The following TENM2 variants were observed in gnomAD, a reference collection of about 807,000 sequenced individuals.
TENM2 encodes teneurin-2.
Under a neutral mutation model 245.2 loss-of-function variants are expected in TENM2, and 52 were observed. The ratio of observed to expected loss-of-function variants is 0.21; its 90% CI spans 0.17 to 0.27. The LOEUF (loss-of-function observed/expected upper bound fraction) is 0.27. TENM2 is among the 10% of genes least tolerant of loss of function. The probability of loss-of-function intolerance (pLI) is 1.00; values close to 1 mark genes in which losing one functional copy is unlikely to be tolerated. For missense variants in TENM2, 3,046 were observed against 3,666.8 expected, an observed-to-expected ratio of 0.83 and a Z score of 4.37; for synonymous variants, 1,363 against 1,438.9, an observed-to-expected ratio of 0.95 and a Z score of 1.19.
rs546196589 is a variant in TENM2, at chr5:167,542,995, T to A, written c.502+167522T>A. ...AGCCTGGTTGGTTCTCAACGTGTAA[T>A]CACTTGACCAGCACAATCAGTATCA... On this transcript the variant is annotated intron_variant, in intron 2 of 28. Coordinates refer to ENST00000518659, the Ensembl canonical transcript of TENM2. Among the ~76,000 whole-genome samples the A allele has an allele frequency of 5.9e-5, 9 of 152,308 alleles. 1 individual carries two copies. The highest frequency in any genetic ancestry group is 1.9e-4 in the African/African-American group (8 of 41,582).
At chr5:167,488,248 A>G (rs1768207720) in intron 2 of TENM2, among the ~76,000 whole-genome samples, 1 of 152,204 alleles carries the variant, frequency 6.6e-6, no homozygotes, top group African/African-American at 2.4e-5. Context: ...TCTCTGCTAA[A>G]AATGACCCTA....
intron 2 of TENM2, among the ~76,000 whole-genome samples, chr5:167,841,314 C>T (rs1170784611): frequency 6.6e-6 from 1 of 152,192 alleles, no homozygotes; most frequent in Non-Finnish European, 1.5e-5. Flanking sequence ...GCCTTGGCTT[C>T]CCAAAGTATT....
intron 4 of TENM2, among the ~76,000 whole-genome samples, chr5:167,966,477 C>A (rs1439048599): frequency 6.6e-6 from 1 of 152,106 alleles, no homozygotes; most frequent in Non-Finnish European, 1.5e-5. Flanking sequence ...TCTAAGGAAT[C>A]TAATTTTGGT....
At chr5:168,100,356 C>T (rs1408869942) in intron 9 of TENM2, among the ~76,000 whole-genome samples, 1 of 152,114 alleles carries the variant, frequency 6.6e-6, no homozygotes, top group African/African-American at 2.4e-5. Flanking sequence ...CCAGAAATAC[C>T]ATTTGCCCCA....
chr5:167,998,694 A>G (rs1784227327), intron 5 of TENM2, among the ~76,000 whole-genome samples: 1 of 152,238 alleles, frequency 6.6e-6, no homozygotes, highest in Non-Finnish European at 1.5e-5. Flanking sequence ...ATATATATAT[A>G]TTAGAAAGTC....
intron 2 of TENM2, among the ~76,000 whole-genome samples, chr5:167,719,418 A>G (rs1030505998): frequency 6.6e-6 from 1 of 152,162 alleles, no homozygotes; most frequent in African/African-American, 2.4e-5. Context: ...AAAAATTCCT[A>G]AGGGTTTGAG....
At chr5:167,835,943 G>C (rs1768948472) in intron 2 of TENM2, among the ~76,000 whole-genome samples, 1 of 152,102 alleles carries the variant, frequency 6.6e-6, no homozygotes, top group Middle Eastern at 3.2e-3. Context: ...TGCAAGTAGA[G>C]GACTGGAAAG....
rs72645747 is a variant in TENM2, at chr5:167,328,767, C to T, written c.226+43704C>T. On this transcript the variant is annotated intron_variant, in intron 1 of 28. Transcript: ENST00000518659. ...AATAGCACCTAAACAGTGAGGTCTT[C>T]CCTAGTCACTTATTTCCTTATGTCC... is the stretch of plus-strand genomic sequence containing the variant. Among the ~76,000 whole-genome samples, 2,973 of 152,216 alleles carry T rather than the reference C, an allele frequency of 0.02. 200 individuals carry two copies. The East Asian group carries it at 0.23, about 12-fold the overall frequency.
chr5:167,156,178 G>T, the TENM2 span, among the ~76,000 whole-genome samples: 1 of 152,194 alleles, frequency 6.6e-6, no homozygotes, highest in South Asian at 2.1e-4. Context: ...ACATACCTGA[G>T]AATTCTCAAG....
At position 167,510,813 on chromosome 5, in the gene TENM2, T is replaced by C. The variant is rs530574030; in HGVS notation, c.502+135340T>C. 1.4e-4 allele frequency among the ~76,000 whole-genome samples: 22 copies of C among 152,334 alleles called. No individual in the cohort carries two copies. The East Asian group carries it at 3.9e-3, about 27-fold the overall frequency. ...ACTTAAATTGCAATTGCAATACTTC[T>C]GATGTTTTGTTGTGTATGATGTGCA... On this transcript the variant is annotated intron_variant, in intron 2 of 28. Transcript: ENST00000518659.
the TENM2 span, among the ~76,000 whole-genome samples, chr5:167,064,141 TAA>T: frequency 1.3e-5 from 2 of 152,130 alleles, no homozygotes; most frequent in Admixed American, 1.3e-4. Context: ...CCTACAATTT[TAA>T]AGTGTCACAG....
chr5:167,057,020 T>C, the TENM2 span, among the ~76,000 whole-genome samples: 24 of 152,206 alleles, frequency 1.6e-4, no homozygotes, highest in Admixed American at 3.3e-4. Flanking sequence ...TGTTCTTTTT[T>C]TCCATGTGCT....
chr5:168,217,050 T>C lies in TENM2; in HGVS notation c.4233+128T>C, dbSNP rs2152563033. The C allele has an allele frequency of 2.8e-6, 3 of 1,062,954 alleles. 1 individual carries two copies. The highest frequency in any genetic ancestry group is 5.9e-4 in the Middle Eastern group (2 of 3,398). The allele number at this position is 1,062,954 out of a possible 1,614,324, so 65.8% of individuals were successfully genotyped here. Reference sequence around the variant, plus strand: ...ATACAGATACAGATCACGGGGTTGTTTGGAGAAAGCCTGAGATGAGCTAAA... The same window carrying C: ...ATACAGATACAGATCACGGGGTTGTCTGGAGAAAGCCTGAGATGAGCTAAA... On this transcript the variant is annotated intron_variant, in intron 22 of 28. Coordinates refer to ENST00000518659, the Ensembl canonical transcript of TENM2.
chr5:167,769,948 T>C (rs1763294688), intron 2 of TENM2, among the ~76,000 whole-genome samples: 1 of 152,194 alleles, frequency 6.6e-6, no homozygotes, highest in South Asian at 2.1e-4. Flanking sequence ...TGTTGTTCAC[T>C]AAATTCACAA....
intron 2 of TENM2, among the ~76,000 whole-genome samples, chr5:167,575,041 A>C (rs998691608): frequency 1.1e-4 from 16 of 151,152 alleles, no homozygotes; most frequent in African/African-American, 3.9e-4. Flanking sequence ...TTTTAACCTC[A>C]GTCTTTGTTG....
At chr5:167,801,559 A>G (rs905827792) in intron 2 of TENM2, among the ~76,000 whole-genome samples, 2 of 152,158 alleles carry the variant, frequency 1.3e-5, no homozygotes, top group East Asian at 1.9e-4. Flanking sequence ...ACAAAGTCCC[A>G]TGTTGGAGAA....
the TENM2 span, among the ~76,000 whole-genome samples, chr5:167,131,924 G>A: frequency 3.3e-5 from 5 of 152,162 alleles, no homozygotes; most frequent in African/African-American, 1.2e-4. Flanking sequence ...CCAGGTTCAA[G>A]CAATTCTCCT....
the TENM2 span, among the ~76,000 whole-genome samples, chr5:167,179,144 G>C: frequency 2.0e-5 from 3 of 152,206 alleles, no homozygotes; most frequent in South Asian, 2.1e-4. Context: ...GGCATTTTCT[G>C]AAAGCTACAT....
At chr5:167,805,757 G>T (rs933702465) in intron 2 of TENM2, among the ~76,000 whole-genome samples, 5 of 152,066 alleles carry the variant, frequency 3.3e-5, no homozygotes, top group Admixed American at 6.6e-5. Context: ...GAGGTGAGGT[G>T]GTGGGCATAG....
Sources: allele counts gnomAD v4.1 joint callset (sites outside exome capture counted in the v4.1 genomes callset), GRCh38; gene constraint gnomAD v4.1.1; transcripts MANE v1.5; gene names NCBI Gene and HGNC (gene_info 2026-07-23, HGNC 2026-07-21).